The following ZNF25 variants were observed in gnomAD, a reference collection of about 807,000 sequenced individuals.
The protein encoded by ZNF25 is zinc finger protein 25, also known as zinc finger protein 25 (KOX 19).
Under a neutral mutation model 30.9 loss-of-function variants are expected in ZNF25, and 21 were observed. The observed-to-expected ratio is 0.68, with a 90% confidence interval of 0.48 to 0.98. The LOEUF (loss-of-function observed/expected upper bound fraction) is 0.98. Ranked by LOEUF, ZNF25 falls within the 50% of genes least tolerant of loss-of-function variation. The pLI, the probability that ZNF25 is intolerant of heterozygous loss-of-function variation, is 0.00. For missense variants in ZNF25, 501 were observed against 529.9 expected (o/e 0.95, Z 0.54); for synonymous variants, 169 against 181.3 (o/e 0.93, Z 0.55).
chr10:37,953,535 T>C (rs1481760594), intron 5 of ZNF25, among the ~76,000 whole-genome samples, 160 bp downstream of exon 5: 1 of 152,266 alleles, frequency 6.6e-6, no homozygotes, highest in Non-Finnish European at 1.5e-5. Flanking sequence ...AAGGTCTCTA[T>C]GAAAAGGGGC....
intron 2 of ZNF25, among the ~76,000 whole-genome samples, chr10:37,967,421 CTTT>C (rs34878046): frequency 6.9e-6 from 1 of 145,028 alleles, no homozygotes. Context: ...TGATTTTCTT[CTTT>C]TTTTTTTTTT....
rs1345631840 is a variant in ZNF25 at position 37,953,687 on chromosome 10, G to A, written c.302+8C>T. The A allele has an allele frequency of 1.2e-6, 2 of 1,613,140 alleles. No homozygotes were observed. The highest frequency in any genetic ancestry group is 2.7e-5 in the African/African-American group (2 of 74,870). On this transcript the variant is annotated splice_region_variant and intron_variant, in intron 5 of 5. Coordinates refer to ENST00000302609, the MANE Select transcript of ZNF25 (RefSeq NM_145011.4). ...TCTTCTATCTTAAACATTAATTCTT[G>A]AACTTGCCTTGAATTTCCAGCTTGG...
At chr10:37,958,281 T>G (rs1396335413) in intron 2 of ZNF25, among the ~76,000 whole-genome samples, 2 of 152,212 alleles carry the variant, frequency 1.3e-5, no homozygotes, top group Non-Finnish European at 2.9e-5. Flanking sequence ...TTAGATTTTA[T>G]TAGGTGGTCA....
intron 1 of ZNF25, among the ~76,000 whole-genome samples, chr10:37,975,758 G>C (rs749060511): frequency 6.6e-6 from 1 of 152,130 alleles, no homozygotes; most frequent in Non-Finnish European, 1.5e-5. Flanking sequence ...AGCATTTTTG[G>C]AAACAGAACA....
At chr10:37,971,315 C>CAAAAAAAA (rs35376573) in intron 2 of ZNF25, among the ~76,000 whole-genome samples, 1 of 133,442 alleles carries the variant, frequency 7.5e-6, no homozygotes, top group Non-Finnish European at 1.6e-5. Flanking sequence ...GACTCCATCT[C>CAAAAAAAA]AAAAAAAAAA....
chr10:37,970,318 C>A (rs1231496527), intron 2 of ZNF25, among the ~76,000 whole-genome samples: 3 of 152,078 alleles, frequency 2.0e-5, no homozygotes, highest in Non-Finnish European at 4.4e-5. Flanking sequence ...GTTGATTCCA[C>A]ATTTGAACAT....
At chr10:37,970,122 G>C (rs1211963641) in intron 2 of ZNF25, among the ~76,000 whole-genome samples, 4 of 152,088 alleles carry the variant, frequency 2.6e-5, no homozygotes, top group African/African-American at 9.7e-5. Flanking sequence ...TTGGTAAACA[G>C]TATAAACCAG....
At position 37,953,146 on chromosome 10, in the gene ZNF25, A is replaced by G; in HGVS notation, c.352T>C (p.Cys118Arg). The G allele has an allele frequency of 1.2e-6, 2 of 1,604,682 alleles. No individual in the cohort carries two copies. Among genetic ancestry groups the G allele is most frequent in the Non-Finnish European group, 1.7e-6 (2 of 1,177,752 alleles). ...HQKTHTTEKA[C>R]ECKECGKFFC... Reference sequence around the variant, plus strand: ...AACTTCCCACATTCCTTACATTCACAGGCTTTCTCTGTGGTATGAGTTTTC... The same window carrying G: ...AACTTCCCACATTCCTTACATTCACGGGCTTTCTCTGTGGTATGAGTTTTC... Residue 118 changes from cysteine (C) to arginine (R), a missense_variant, in exon 6 of 6, where the codon TGT becomes CGT. Coordinates refer to ENST00000302609, the MANE Select transcript of ZNF25 (RefSeq NM_145011.4).
intron 1 of ZNF25, among the ~76,000 whole-genome samples, chr10:37,975,266 TG>T (rs1327802559): frequency 6.6e-6 from 1 of 152,100 alleles, no homozygotes; most frequent in Non-Finnish European, 1.5e-5. Context: ...TTCGAATATT[TG>T]CAACACAAAG....
intron 1 of ZNF25, 114 bp downstream of exon 1, chr10:37,976,392 A>G (rs1292864078): frequency 6.6e-6 from 1 of 152,270 alleles, no homozygotes; most frequent in African/African-American, 2.4e-5. Flanking sequence ...CCTCCCCACC[A>G]GGCGGCTCCC....
intron 2 of ZNF25, among the ~76,000 whole-genome samples, chr10:37,967,532 T>C (rs2063254084): frequency 6.6e-6 from 1 of 151,788 alleles, no homozygotes; most frequent in South Asian, 2.1e-4. Context: ...CACCTCAGCC[T>C]CCCAAGTATC....
chr10:37,972,659 AG>A (rs1446811411), intron 1 of ZNF25, among the ~76,000 whole-genome samples: 1 of 152,234 alleles, frequency 6.6e-6, no homozygotes, highest in Non-Finnish European at 1.5e-5. Flanking sequence ...CACTTCATAT[AG>A]GTAGCAAAAG....
chr10:37,968,653 C>G (rs2063321782), intron 2 of ZNF25, among the ~76,000 whole-genome samples: 1 of 152,168 alleles, frequency 6.6e-6, no homozygotes, highest in African/African-American at 2.4e-5. Context: ...CTATGCCTGG[C>G]CATAAAATGT....
At chr10:37,956,472 T>C (rs1025184930) in intron 4 of ZNF25, among the ~76,000 whole-genome samples, 2 of 152,318 alleles carry the variant, frequency 1.3e-5, no homozygotes, top group East Asian at 3.9e-4. Context: ...AGAGTTTGTA[T>C]ACAGGAAAGA....
rs145239841 is a variant in ZNF25 at position 37,967,581 on chromosome 10, T to C, written c.15+4127A>G. Among the ~76,000 whole-genome samples the C allele has an allele frequency of 6.2e-3, 943 of 152,194 alleles. 7 individuals carry two copies. The highest frequency in any genetic ancestry group is 8.1e-3 in the Non-Finnish European group (554 of 68,022). On this transcript the variant is annotated intron_variant, in intron 2 of 5. Transcript: ENST00000302609. ...GCACACCACCCACCTGGCTAATTTTTGTATTTTGCAGAGACAGGGTCTTGT... is the reference window on the plus strand; with the variant it reads ...GCACACCACCCACCTGGCTAATTTTCGTATTTTGCAGAGACAGGGTCTTGT...
rs1328599718 is a variant in ZNF25 at position 37,951,982 on chromosome 10, CTATG to C, written c.*141_*144del. The C allele has an allele frequency of 6.2e-6, 4 of 640,036 alleles. No homozygotes were observed. Among genetic ancestry groups the C allele is most frequent in the Admixed American group, 7.1e-5 (2 of 28,230 alleles). The allele number at this position is 640,036 out of a possible 1,614,324, so 39.6% of individuals were successfully genotyped here. ...TCCCAAATAAATGTACAGAATCTCT[CTATG>C]TATTTGCTGATACACAGAGAGAGCA... On this transcript the variant is annotated 3_prime_UTR_variant, in exon 6 of 6. Transcript: ENST00000302609.
Position 37,953,131 on chromosome 10 carries a change from A to G in ZNF25, c.367T>C (p.Cys123Arg), listed in dbSNP as rs1374391945. The G allele has an allele frequency of 1.2e-6, 2 of 1,610,678 alleles. No homozygotes were observed. Among genetic ancestry groups the G allele is most frequent in the East Asian group, 2.2e-5 (1 of 44,860 alleles). ...TTEKACECKE[C>R]GKFFCQKSAL... is the part of the protein sequence containing the mutation. Reference sequence around the variant, plus strand: ...GACTTCTGGCAGAAGAACTTCCCACATTCCTTACATTCACAGGCTTTCTCT... The same window carrying G: ...GACTTCTGGCAGAAGAACTTCCCACGTTCCTTACATTCACAGGCTTTCTCT... Residue 123 changes from cysteine (C) to arginine (R), a missense_variant, in exon 6 of 6, where the codon TGT becomes CGT. By Grantham distance (180) the Cys-to-Arg change is radical (BLOSUM62 -3). Coordinates refer to ENST00000302609, the MANE Select transcript of ZNF25 (RefSeq NM_145011.4).
intron 1 of ZNF25, among the ~76,000 whole-genome samples, chr10:37,976,282 C>T (rs933002738): frequency 1.3e-5 from 2 of 152,202 alleles, no homozygotes; most frequent in African/African-American, 2.4e-5. Flanking sequence ...TGCGGCTGCT[C>T]CGGGCGCCCA....
At chr10:37,969,108 G>C (rs1165830557) in intron 2 of ZNF25, among the ~76,000 whole-genome samples, 1 of 152,064 alleles carries the variant, frequency 6.6e-6, no homozygotes, top group Non-Finnish European at 1.5e-5. Flanking sequence ...CAATTATAAT[G>C]GGCATAATTT....
Sources: allele counts gnomAD v4.1 joint callset (sites outside exome capture counted in the v4.1 genomes callset), GRCh38; gene constraint gnomAD v4.1.1; transcripts MANE v1.5; gene names NCBI Gene and HGNC (gene_info 2026-07-23, HGNC 2026-07-21).